Variants in VMP1 observed in about 807,000 individuals in gnomAD.
The protein encoded by VMP1 is ectopic P-granules autophagy protein 3 homolog.
In VMP1, 11 loss-of-function variants were observed where a neutral mutation model predicts 56.0. That is an observed-to-expected ratio of 0.20 (90% CI 0.12 to 0.32). VMP1 has a LOEUF of 0.32. Ranked by LOEUF, VMP1 falls within the 10% of genes least tolerant of loss-of-function variation. The pLI, the probability that VMP1 is intolerant of heterozygous loss-of-function variation, is 1.00. For missense variants in VMP1, 296 were observed against 490.3 expected (o/e 0.60, Z 3.74); for synonymous variants, 149 against 165.0 (o/e 0.90, Z 0.74).
chr17:59,798,171 C>T (rs149584959), intron 7 of VMP1, among the ~76,000 whole-genome samples: 1 of 152,286 alleles, frequency 6.6e-6, no homozygotes, highest in East Asian at 1.9e-4. Context: ...CTCCTGCAAC[C>T]TGCCCATGTA....
intron 3 of VMP1, 66 bp from the exon 4 acceptor site, chr17:59,737,387 G>T (rs772380272): frequency 2.4e-5 from 36 of 1,507,910 alleles, no homozygotes; most frequent in Non-Finnish European, 3.2e-5. Context: ...GCAAGAAATT[G>T]TTCTGAGAAT....
chr17:59,834,447 G>A (rs1048844422), intron 10 of VMP1, among the ~76,000 whole-genome samples: 1 of 151,696 alleles, frequency 6.6e-6, no homozygotes, highest in African/African-American at 2.4e-5. Flanking sequence ...TTTTTTGGGG[G>A]GGTTTTTTGT....
chr17:59,735,235 A>T (rs2034974356), intron 2 of VMP1, 103 bp from the exon 3 acceptor site: 2 of 1,424,896 alleles, frequency 1.4e-6, no homozygotes, highest in East Asian at 2.4e-5. Flanking sequence ...ACTTGCTATT[A>T]GTTGTTATTT....
At chr17:59,768,667 G>A (rs1555619059) in intron 6 of VMP1, among the ~76,000 whole-genome samples, 1 of 151,480 alleles carries the variant, frequency 6.6e-6, no homozygotes, top group Non-Finnish European at 1.5e-5. Flanking sequence ...AATGAAGTTG[G>A]ACCCTTACCT....
chr17:59,841,992 C>G lies in VMP1; in HGVS notation c.*2081C>G, dbSNP rs185482676. On this transcript the variant is annotated 3_prime_UTR_variant, in exon 12 of 12. Coordinates refer to ENST00000262291, the MANE Select transcript of VMP1 (RefSeq NM_030938.5). The stretch of plus-strand genomic sequence containing the variant: ...TCAAAATAAATGAAGAGCAGCTGTC[C>G]TTCTTTCCTCTTTTAAGTGTTCAGC... 2.3e-4 allele frequency: 35 copies of G among 152,290 alleles called. No homozygotes were observed. In the East Asian group the frequency reaches 6.2e-3, roughly 27 times the overall value. 9.4% of individuals were successfully genotyped at this position (152,290 alleles called of 1,614,324 possible). A position where few individuals can be genotyped will look rare whatever the true frequency, so the allele number is the denominator to read the frequency against.
intron 7 of VMP1, among the ~76,000 whole-genome samples, chr17:59,787,719 G>A (rs1221808563): frequency 6.6e-6 from 1 of 152,136 alleles, no homozygotes; most frequent in Admixed American, 6.6e-5. Context: ...TACTCAGGAG[G>A]CTGAGGCAAG....
At chr17:59,744,227 G>A (rs1454837083) in intron 5 of VMP1, among the ~76,000 whole-genome samples, 1 of 151,498 alleles carries the variant, frequency 6.6e-6, no homozygotes, top group Non-Finnish European at 1.5e-5. Flanking sequence ...TTGGGAGGCC[G>A]AGGCGGGTGG....
At chr17:59,809,384 T>G (rs958213207) in intron 8 of VMP1, among the ~76,000 whole-genome samples, 1 of 133,648 alleles carries the variant, frequency 7.5e-6, no homozygotes, top group Non-Finnish European at 1.6e-5. Flanking sequence ...TGGCACAATC[T>G]CGGCTCACTG....
In VMP1 at chr17:59,737,435, T is replaced by A. The variant is rs2035057546; in HGVS notation, c.213-18T>A. On this transcript the variant is annotated intron_variant, in intron 3 of 11. Transcript: ENST00000262291. ...AAGTGAGACTGTGAGATATTTATTT[T>A]TTTTATTTGTTTTTAAGATTATGGC... The A allele has an allele frequency of 6.3e-7, 1 of 1,597,062 alleles. No individual in the cohort carries two copies. The highest frequency in any genetic ancestry group is 1.4e-5 in the African/African-American group (1 of 73,802).
intron 7 of VMP1, among the ~76,000 whole-genome samples, chr17:59,775,161 G>A (rs2036574900): frequency 6.6e-6 from 1 of 151,908 alleles, no homozygotes; most frequent in South Asian, 2.1e-4. Flanking sequence ...AGCCAGGATG[G>A]TCTTGATCTC....
rs553588774 is a variant in VMP1, at chr17:59,755,744, T to G, written c.415-9227T>G. Among the ~76,000 whole-genome samples, 34 of 147,890 alleles carry G rather than the reference T, an allele frequency of 2.3e-4. 1 individual carries two copies. The highest frequency in any genetic ancestry group is 1.7e-4 in the Non-Finnish European group (11 of 66,550). ...TTTGTTTTTTGTTTTGGTTTTTGGTTTTTTTTTTTTTTGAGACAGGGTCTT... is the reference window on the plus strand; with the variant it reads ...TTTGTTTTTTGTTTTGGTTTTTGGTGTTTTTTTTTTTTGAGACAGGGTCTT... On this transcript the variant is annotated intron_variant, in intron 5 of 11. Transcript: ENST00000262291.
At chr17:59,776,023 G>A (rs1177062414) in intron 7 of VMP1, among the ~76,000 whole-genome samples, 2 of 151,430 alleles carry the variant, frequency 1.3e-5, no homozygotes, top group African/African-American at 2.4e-5. Flanking sequence ...GACCGGCCTG[G>A]GCAACATGGC....
In VMP1 at chr17:59,764,952, T is replaced by G. The variant is rs767364943; in HGVS notation, c.415-19T>G. ...TTTTTAATAGTTCTTATCAGAAGTT[T>G]CTTGTATTTGTTTTATAGGGTCCAC... On this transcript the variant is annotated intron_variant, in intron 5 of 11. Transcript: ENST00000262291. 6.7e-6 allele frequency: 10 copies of G among 1,495,972 alleles called. No individual in the cohort carries two copies. The highest frequency in any genetic ancestry group is 1.8e-6 in the Non-Finnish European group (2 of 1,121,036). The allele number at this position is 1,495,972 out of a possible 1,614,324, so 92.7% of individuals were successfully genotyped here. A position where few individuals can be genotyped will look rare whatever the true frequency, so the allele number is the denominator to read the frequency against.
chr17:59,827,903 T>C (rs1268176622), intron 10 of VMP1, among the ~76,000 whole-genome samples: 3 of 151,954 alleles, frequency 2.0e-5, no homozygotes, highest in Non-Finnish European at 4.4e-5. Context: ...CATTGCACTC[T>C]TGAGTGGGCA....
At chr17:59,741,146 T>C (rs1005878098) in intron 5 of VMP1, among the ~76,000 whole-genome samples, 1 of 152,084 alleles carries the variant, frequency 6.6e-6, no homozygotes. Flanking sequence ...CAGTGAGCTA[T>C]GATTGCACCA....
At chr17:59,763,153 CT>C (rs538324866) in intron 5 of VMP1, among the ~76,000 whole-genome samples, 161 of 148,212 alleles carry the variant, frequency 1.1e-3, no homozygotes, top group Non-Finnish European at 1.8e-3. Flanking sequence ...CTGATTTCTT[CT>C]TTTTTTTTTA....
At chr17:59,750,364 C>T (rs974914052) in intron 5 of VMP1, among the ~76,000 whole-genome samples, 1 of 149,270 alleles carries the variant, frequency 6.7e-6, no homozygotes, top group Non-Finnish European at 1.5e-5. Context: ...TGCAGTGGTG[C>T]GAACTCGGCT....
chr17:59,771,933 A>G (rs567815033), intron 6 of VMP1, among the ~76,000 whole-genome samples: 30 of 152,104 alleles, frequency 2.0e-4, no homozygotes, highest in Non-Finnish European at 3.5e-4. Flanking sequence ...ATATCCATGT[A>G]TATATGTCTC....
At chr17:59,765,863 T>C (rs1415474337) in intron 6 of VMP1, among the ~76,000 whole-genome samples, 1 of 151,864 alleles carries the variant, frequency 6.6e-6, no homozygotes, top group African/African-American at 2.4e-5. Flanking sequence ...CATTATAAAA[T>C]TTGTTCTAGT....
Sources: allele counts gnomAD v4.1 joint callset (sites outside exome capture counted in the v4.1 genomes callset), GRCh38; gene constraint gnomAD v4.1.1; transcripts MANE v1.5; gene names NCBI Gene and HGNC (gene_info 2026-07-23, HGNC 2026-07-21).